Variants in MTUS2 observed in about 807,000 individuals in gnomAD.
The protein encoded by MTUS2 is microtubule-associated tumor suppressor candidate 2.
In MTUS2, 40 loss-of-function variants were observed where a neutral mutation model predicts 114.1. That is an observed-to-expected ratio of 0.35 (90% CI 0.27 to 0.46). The LOEUF (loss-of-function observed/expected upper bound fraction) is 0.46. Ranked by LOEUF, MTUS2 falls within the 20% of genes least tolerant of loss-of-function variation. MTUS2 has a pLI of 1.00. For missense variants in MTUS2, 1,679 were observed against 1,705.4 expected, an observed-to-expected ratio of 0.98 and a Z score of 0.27; for synonymous variants, 688 against 672.0, an observed-to-expected ratio of 1.02 and a Z score of -0.37.
intron 1 of MTUS2, among the ~76,000 whole-genome samples, chr13:28,831,723 CCCTT>C (rs1169764399): frequency 1.3e-5 from 2 of 148,824 alleles, no homozygotes; most frequent in Non-Finnish European, 3.0e-5. Flanking sequence ...CTCCCTCCCT[CCCTT>C]CCTTCCTTTC....
chr13:29,153,710 A>G (rs778764169), intron 5 of MTUS2, among the ~76,000 whole-genome samples: 14 of 152,018 alleles, frequency 9.2e-5, no homozygotes, highest in Non-Finnish European at 1.9e-4. Context: ...GACCTCCTCA[A>G]TTCTCTTCCT....
chr13:29,142,466 G>C (rs1488405054), intron 5 of MTUS2, among the ~76,000 whole-genome samples: 1 of 152,198 alleles, frequency 6.6e-6, no homozygotes, highest in Non-Finnish European at 1.5e-5. Flanking sequence ...AACTTTGGAA[G>C]GCTGAGGCGG....
chr13:29,428,748 G>C, intron 8 of MTUS2: 2 of 1,588,622 alleles, frequency 1.3e-6, no homozygotes, highest in Admixed American at 3.5e-5. Flanking sequence ...AGCTCCCAGC[G>C]GCGCGCCCCT....
intron 2 of MTUS2, among the ~76,000 whole-genome samples, chr13:28,955,540 T>C (rs1883020125): frequency 6.6e-6 from 1 of 152,210 alleles, no homozygotes; most frequent in Non-Finnish European, 1.5e-5. Flanking sequence ...GTGACCCATA[T>C]ATGTGATGGT....
At chr13:28,823,832 CGGT>C (rs1266055278) in intron 1 of MTUS2, among the ~76,000 whole-genome samples, 2 of 151,908 alleles carry the variant, frequency 1.3e-5, no homozygotes, top group African/African-American at 4.8e-5. Context: ...CATAGAATCA[CGGT>C]GGAAGGGGAA....
rs76377313 is a variant in MTUS2, at chr13:28,885,907, A to G, written c.-243+46057A>G. On this transcript the variant is annotated intron_variant, in intron 2 of 15. Transcript: ENST00000612955. ...AACCTTTAGAAGGGAAGGCTGTAGGATGTAGTGCAGTGGGTTGATATTTCA... is the reference window on the plus strand; with the variant it reads ...AACCTTTAGAAGGGAAGGCTGTAGGGTGTAGTGCAGTGGGTTGATATTTCA... 7.2e-3 allele frequency among the ~76,000 whole-genome samples: 1,091 copies of G among 152,310 alleles called. 14 individuals are homozygous for G. The highest frequency in any genetic ancestry group is 0.034 in the East Asian group (177 of 5,180).
At chr13:28,996,000 T>G (rs1481668270) in intron 2 of MTUS2, among the ~76,000 whole-genome samples, 13 of 152,198 alleles carry the variant, frequency 8.5e-5, no homozygotes, top group African/African-American at 3.1e-4. Context: ...TGCTTCCAGT[T>G]TTTGTCCATT....
intron 5 of MTUS2, among the ~76,000 whole-genome samples, chr13:29,202,417 C>A (rs939532754): frequency 2.0e-5 from 3 of 152,004 alleles, no homozygotes; most frequent in African/African-American, 7.2e-5. Context: ...CACCTTTTTT[C>A]AAGGTTCTTA....
intron 8 of MTUS2, among the ~76,000 whole-genome samples, chr13:29,376,853 A>G (rs979164297): frequency 6.6e-6 from 1 of 152,206 alleles, no homozygotes; most frequent in South Asian, 2.1e-4. Flanking sequence ...CTATAAAAGC[A>G]TGATCTACCT....
At chr13:29,464,580 G>C (rs953414135) in intron 9 of MTUS2, among the ~76,000 whole-genome samples, 1 of 152,326 alleles carries the variant, frequency 6.6e-6, no homozygotes, top group East Asian at 1.9e-4. Context: ...CCTGAGTATG[G>C]AGACCTAGGG....
chr13:29,498,773 C>T (rs1322046575), intron 14 of MTUS2, among the ~76,000 whole-genome samples: 1 of 152,228 alleles, frequency 6.6e-6, no homozygotes, highest in Non-Finnish European at 1.5e-5. Context: ...TCTCTTTCTG[C>T]TTCGCCCTGG....
At position 29,480,879 on chromosome 13, in the gene MTUS2, T is replaced by C. The variant is rs778524739; in HGVS notation, c.3399+515T>C. On this transcript the variant is annotated intron_variant, in intron 10 of 15. Transcript: ENST00000612955. This position sits in a 1 kb window ranked among gnomAD's most constrained non-coding sequence, Gnocchi z 4.4. ...TCCTACACCAGACACTGCTCTAAGC[T>C]CTTTACAGGAACTGACTCATGTAGT... Among the ~76,000 whole-genome samples the C allele has an allele frequency of 5.3e-5, 8 of 152,152 alleles. 1 individual carries two copies. The highest frequency in any genetic ancestry group is 1.2e-4 in the Non-Finnish European group (8 of 68,044).
Position 29,301,238 on chromosome 13 carries a change from C to T in MTUS2, c.2806+19373C>T, listed in dbSNP as rs538980539. On this transcript the variant is annotated intron_variant, in intron 6 of 15. Transcript: ENST00000612955. ...GCCTGTTATTCTCTTGCCTAGGACC[C>T]TGCAGCAGCTCTCATTGCCCTTTTG... Among the ~76,000 whole-genome samples, 27 of 152,280 alleles carry T rather than the reference C, an allele frequency of 1.8e-4. 1 individual carries two copies. The South Asian group carries it at 5.6e-3, about 32-fold the overall frequency.
At chr13:28,831,930 G>T (rs1874712405) in intron 1 of MTUS2, among the ~76,000 whole-genome samples, 1 of 148,170 alleles carries the variant, frequency 6.7e-6, no homozygotes. Context: ...CTATTTTTTT[G>T]TATTTTTTTT....
intron 7 of MTUS2, among the ~76,000 whole-genome samples, chr13:29,351,834 C>CA (rs1869315345): frequency 6.7e-6 from 1 of 150,168 alleles, no homozygotes; most frequent in Non-Finnish European, 1.5e-5. Flanking sequence ...AGGCTGGTCT[C>CA]AAACACCTGA....
intron 2 of MTUS2, among the ~76,000 whole-genome samples, chr13:28,852,933 C>T (rs1012618026): frequency 2.9e-4 from 8 of 27,284 alleles, no homozygotes; most frequent in East Asian, 2.7e-3. Flanking sequence ...ACATACATAG[C>T]GAGCCTCTGT....
At position 29,208,513 on chromosome 13, in the gene MTUS2, G is replaced by A. The variant is rs191542350; in HGVS notation, c.2645-73191G>A. 3.6e-4 allele frequency among the ~76,000 whole-genome samples: 54 copies of A among 151,464 alleles called. No individual in the cohort carries two copies. The East Asian group carries it at 6.0e-3, about 17-fold the overall frequency. ...TGTTTGTTTGTTTCTCTAGTTTCTC[G>A]AGTTGTGACCTCAGACTGTCCTCTT... On this transcript the variant is annotated intron_variant, in intron 5 of 15. Transcript: ENST00000612955.
intron 2 of MTUS2, among the ~76,000 whole-genome samples, chr13:28,913,223 C>T (rs1370570083): frequency 6.6e-6 from 1 of 152,136 alleles, no homozygotes; most frequent in African/African-American, 2.4e-5. Flanking sequence ...AGCTTTTGCC[C>T]ATTTAATATG....
intron 2 of MTUS2, among the ~76,000 whole-genome samples, chr13:28,926,719 T>C (rs1218257246): frequency 6.6e-6 from 1 of 152,200 alleles, no homozygotes; most frequent in African/African-American, 2.4e-5. Flanking sequence ...GAGAGTAGTT[T>C]ATCAATCATC....
Sources: gnomAD v4.1 joint callset for allele counts (sites outside exome capture counted in the v4.1 genomes callset) on GRCh38, gnomAD v4.1.1 for gene constraint, Gnocchi (gnomAD v3.1) non-coding constraint, MANE v1.5 for transcripts, NCBI Gene and HGNC (gene_info 2026-07-23, HGNC 2026-07-21) for gene names.